The following ADAMTS16 variants were observed in gnomAD, a reference collection of about 807,000 sequenced individuals.
The protein encoded by ADAMTS16 is ADAM metallopeptidase with thrombospondin type 1 motif 16, also known as A disintegrin and metalloproteinase with thrombospondin motifs 16.
In ADAMTS16, 94 loss-of-function variants were observed where a neutral mutation model predicts 145.8. The ratio of observed to expected loss-of-function variants is 0.64; its 90% confidence interval spans 0.55 to 0.77. ADAMTS16 has a LOEUF of 0.77. ADAMTS16 is among the 30% of genes least tolerant of loss of function. The pLI is 0.00. For missense variants in ADAMTS16, 1,585 were observed against 1,591.5 expected, an observed-to-expected ratio of 1.00 and a Z score of 0.07; for synonymous variants, 659 against 604.3, an observed-to-expected ratio of 1.09 and a Z score of -1.33.
intron 16 of ADAMTS16, among the ~76,000 whole-genome samples, chr5:5,241,695 A>T (rs1318448895): frequency 6.6e-6 from 1 of 152,262 alleles, no homozygotes; most frequent in African/African-American, 2.4e-5. Flanking sequence ...TGCTTTTGTT[A>T]GGATGTATCA....
Position 5,317,353 on chromosome 5 carries a change from G to T in ADAMTS16, c.3412-781G>T, listed in dbSNP as rs1001444537. On this transcript the variant is annotated intron_variant, in intron 21 of 22. Coordinates refer to ENST00000274181, the MANE Select transcript of ADAMTS16 (RefSeq NM_139056.4). This position sits in a 1 kb window ranked among gnomAD's most constrained non-coding sequence, Gnocchi z 4.5. Reference sequence around the variant, plus strand: ...TTGAGGAGATAATATGCCAATCCATGAATATCAGCTTTTTTAATCAGTATA... The same window carrying T: ...TTGAGGAGATAATATGCCAATCCATTAATATCAGCTTTTTTAATCAGTATA... Among the ~76,000 whole-genome samples the T allele has an allele frequency of 3.9e-5, 6 of 152,116 alleles. No individual in the cohort carries two copies. Among genetic ancestry groups the T allele is most frequent in the Non-Finnish European group, 7.3e-5 (5 of 68,032 alleles).
intron 10 of ADAMTS16, among the ~76,000 whole-genome samples, chr5:5,218,446 G>A (rs911798958): frequency 2.0e-5 from 3 of 152,118 alleles, no homozygotes; most frequent in African/African-American, 7.2e-5. Context: ...CTTGGGCTCC[G>A]GCCCCACGGC....
intron 10 of ADAMTS16, among the ~76,000 whole-genome samples, chr5:5,212,430 G>C (rs1482010490): frequency 2.0e-5 from 3 of 151,924 alleles, no homozygotes; most frequent in South Asian, 4.2e-4. Flanking sequence ...GGATGGTCTC[G>C]ATCTGACATC....
rs60381485 is a variant in ADAMTS16 at position 5,151,678 on chromosome 5, T to TTG, written c.501+5269_501+5270dup. ...TATCCATTATTTCCCATAGTTCCCTTTGTGTGTGTGTGTGTGTGTGTGTGT... is the reference window on the plus strand; with the variant it reads ...TATCCATTATTTCCCATAGTTCCCTTTGTGTGTGTGTGTGTGTGTGTGTGTGT... On this transcript the variant is annotated intron_variant, in intron 3 of 22. Transcript: ENST00000274181. Among the ~76,000 whole-genome samples, 142 of 139,668 alleles carry TTG rather than the reference T, an allele frequency of 1.0e-3. 2 individuals are homozygous for TTG. The East Asian group carries it at 0.025, about 24-fold the overall frequency. The allele number at this position is 139,668 out of a possible 152,430, so 91.6% of individuals were successfully genotyped here.
At chr5:5,256,061 C>G (rs1737770293) in intron 17 of ADAMTS16, among the ~76,000 whole-genome samples, 1 of 152,132 alleles carries the variant, frequency 6.6e-6, no homozygotes, top group African/African-American at 2.4e-5. Flanking sequence ...TGCTCTATTT[C>G]TGTTAATTGC....
chr5:5,186,400 C>T, intron 5 of ADAMTS16, 149 bp downstream of exon 5: 1 of 779,728 alleles, frequency 1.3e-6, no homozygotes, highest in South Asian at 1.8e-5. Flanking sequence ...TTGGTGATAA[C>T]TCATTTAGTT....
At chr5:5,226,453 C>T (rs1255314974) in intron 11 of ADAMTS16, among the ~76,000 whole-genome samples, 15 of 152,114 alleles carry the variant, frequency 9.9e-5, no homozygotes, top group Admixed American at 9.8e-4. Context: ...TTACCTCCTA[C>T]CAGGTCCCTC....
intron 1 of ADAMTS16, 49 bp downstream of exon 1, chr5:5,140,588 C>T: frequency 6.6e-7 from 1 of 1,514,388 alleles, no homozygotes; most frequent in Non-Finnish European, 8.8e-7. Context: ...GTCCGGACAG[C>T]TGGAGGCGAG....
chr5:5,152,879 A>G (rs1426360437), intron 3 of ADAMTS16, among the ~76,000 whole-genome samples: 1 of 152,262 alleles, frequency 6.6e-6, no homozygotes. Flanking sequence ...GTGAAATCCC[A>G]CATTGCTCCT....
chr5:5,140,684 A>T lies in ADAMTS16; in HGVS notation c.93A>T (p.Gly31=), dbSNP rs989281371. The T allele has an allele frequency of 3.2e-6, 5 of 1,560,014 alleles. No homozygotes were observed. Among genetic ancestry groups the T allele is most frequent in the Admixed American group, 3.8e-5 (2 of 52,842 alleles). ...VAEQAPACAM[G]PAAAAPGSPS... is the part of the protein sequence containing the mutation. Reference sequence around the variant, plus strand: ...CGCAGGCACCTGCGTGCGCCATGGGACCCGCAGCGGCAGCGCCTGGGAGCC... The same window carrying T: ...CGCAGGCACCTGCGTGCGCCATGGGTCCCGCAGCGGCAGCGCCTGGGAGCC... Residue 31 remains glycine, a synonymous_variant, in exon 2 of 23, where the codon GGA becomes GGT. Coordinates refer to ENST00000274181, the MANE Select transcript of ADAMTS16 (RefSeq NM_139056.4).
intron 17 of ADAMTS16, among the ~76,000 whole-genome samples, chr5:5,257,026 C>T (rs1017035946): frequency 2.6e-5 from 4 of 152,070 alleles, no homozygotes; most frequent in Non-Finnish European, 5.9e-5. Flanking sequence ...TAAGGAAGTC[C>T]GTAAGATTTT....
chr5:5,267,605 T>C (rs1738290194), intron 18 of ADAMTS16, among the ~76,000 whole-genome samples: 1 of 152,140 alleles, frequency 6.6e-6, no homozygotes, highest in Non-Finnish European at 1.5e-5. Flanking sequence ...GATGTGTTTC[T>C]CTCGATGTCA....
chr5:5,229,181 C>T (rs1196498379), intron 11 of ADAMTS16, among the ~76,000 whole-genome samples: 1 of 151,220 alleles, frequency 6.6e-6, no homozygotes, highest in Non-Finnish European at 1.5e-5. Context: ...GCCTGTAGTC[C>T]CAGCTACTCG....
chr5:5,158,931 GC>G (rs1247135188), intron 3 of ADAMTS16, among the ~76,000 whole-genome samples: 2 of 152,190 alleles, frequency 1.3e-5, no homozygotes, highest in African/African-American at 4.8e-5. Flanking sequence ...TCATGAATAG[GC>G]ACTTTCACCA....
At position 5,200,148 on chromosome 5, in the gene ADAMTS16, G is replaced by C; in HGVS notation, c.1330G>C (p.Asp444His). 3.1e-6 allele frequency: 5 copies of C among 1,611,156 alleles called. No homozygotes were observed. Among genetic ancestry groups the C allele is most frequent in the Non-Finnish European group, 3.4e-6 (4 of 1,178,612 alleles). Residue 444 changes from aspartate to histidine, a missense_variant, in exon 9 of 23, where the codon GAT (aspartate) becomes CAT (histidine). By Grantham distance (81) the Asp-to-His change is moderately conservative (BLOSUM62 -1). This residue lies in a region of ADAMTS16 where 298 missense variants were observed against 367.6 expected (regional missense o/e 0.81). Coordinates refer to ENST00000274181, the MANE Select transcript of ADAMTS16 (RefSeq NM_139056.4). The part of the protein sequence containing the change: ...ESGHNFGMIH[D>H]GEGNMCKKSE... ...CTCTCATAGCTTTGGCATGATTCAT[G>C]ATGGAGAAGGGAACATGTGCAAAAA...
rs368671483 is a variant in ADAMTS16, at chr5:5,271,206, T to C, written c.2789+8423T>C. 1.6e-4 allele frequency among the ~76,000 whole-genome samples: 24 copies of C among 152,366 alleles called. No homozygotes were observed. In the East Asian group the frequency reaches 3.7e-3, roughly 23 times the overall value. On this transcript the variant is annotated intron_variant, in intron 18 of 22. Transcript: ENST00000274181. ...AGGCTCCTGCAATTGCATTGCCAGATGGGATCCCCTAAGTCCTAAATCTCT... is the reference window on the plus strand; with the variant it reads ...AGGCTCCTGCAATTGCATTGCCAGACGGGATCCCCTAAGTCCTAAATCTCT...
chr5:5,209,066 T>C (rs768378473), intron 9 of ADAMTS16, 27 bp from the exon 10 acceptor site: 1 of 1,605,762 alleles, frequency 6.2e-7, no homozygotes, highest in East Asian at 2.2e-5. Flanking sequence ...GGGCAGTTAC[T>C]AGTAGCTCAT....
At position 5,232,423 on chromosome 5, in the gene ADAMTS16, A is replaced by G. The variant is rs776072487; in HGVS notation, c.1757A>G (p.His586Arg). Residue 586 changes from histidine (H) to arginine (R), a missense_variant, in exon 12 of 23, where the codon CAT (histidine) becomes CGT (arginine). Around this residue, in one of 3 missense-constraint regions of ADAMTS16, gnomAD observed 298 missense variants for 367.6 expected, o/e 0.81. Transcript: ENST00000274181. ...GGTGATGAAGGCCCCAAGCCCACCC[A>G]TGGCCACTGGTCGGACTGGTCTTCT... ...KYGDEGPKPT[H>R]GHWSDWSSWS... The G allele has an allele frequency of 3.1e-6, 5 of 1,613,908 alleles. No homozygotes were observed. The highest frequency in any genetic ancestry group is 4.2e-6 in the Non-Finnish European group (5 of 1,179,994).
At chr5:5,237,929 G>T (rs561393366) in intron 14 of ADAMTS16, among the ~76,000 whole-genome samples, 1 of 152,294 alleles carries the variant, frequency 6.6e-6, no homozygotes, top group East Asian at 1.9e-4. Context: ...CAAACACATT[G>T]CATGTAGACA....
Sources: allele counts gnomAD v4.1 joint callset (sites outside exome capture counted in the v4.1 genomes callset), GRCh38; gene constraint gnomAD v4.1.1; regional missense constraint gnomAD v4.1.1; non-coding constraint Gnocchi (gnomAD v3.1); transcripts MANE v1.5; gene names NCBI Gene and HGNC (gene_info 2026-07-23, HGNC 2026-07-21).